The following GALNTL6 variants were observed in gnomAD, a reference collection of about 807,000 sequenced individuals.
GALNTL6 encodes polypeptide N-acetylgalactosaminyltransferase like 6.
GALNTL6 carries 46 observed loss-of-function variants against 73.7 expected under a neutral mutation model. The observed-to-expected ratio is 0.62, with a 90% CI of 0.49 to 0.80. The LOEUF (loss-of-function observed/expected upper bound fraction) is 0.80, where lower values mean the gene tolerates loss of function less well. Ranked by LOEUF, GALNTL6 falls within the 30% of genes least tolerant of loss-of-function variation. The pLI is 0.00. For missense variants in GALNTL6, 604 were observed against 755.0 expected, an observed-to-expected ratio of 0.80 and a Z score of 2.34; for synonymous variants, 259 against 263.7, an observed-to-expected ratio of 0.98 and a Z score of 0.17.
intron 2 of GALNTL6, among the ~76,000 whole-genome samples, chr4:172,130,270 T>C (rs577447295): frequency 2.7e-5 from 4 of 150,364 alleles, no homozygotes; most frequent in Admixed American, 2.0e-4. Context: ...TGATGTAACA[T>C]AGCATTCAAA....
intron 5 of GALNTL6, among the ~76,000 whole-genome samples, chr4:172,629,008 T>C (rs1739279565): frequency 6.6e-6 from 1 of 152,186 alleles, no homozygotes; most frequent in South Asian, 2.1e-4. Context: ...TGATTTACAC[T>C]CTGGGAGTCA....
intron 2 of GALNTL6, among the ~76,000 whole-genome samples, chr4:172,077,163 AAAATGGAC>A (rs1268180438): frequency 6.6e-6 from 1 of 152,104 alleles, no homozygotes; most frequent in Non-Finnish European, 1.5e-5. Flanking sequence ...ATAGAGTGTG[AAAATGGAC>A]AAATACAGAA....
At chr4:172,187,566 G>C (rs935483763) in intron 2 of GALNTL6, among the ~76,000 whole-genome samples, 9 of 151,974 alleles carry the variant, frequency 5.9e-5, no homozygotes, top group African/African-American at 2.2e-4. Context: ...GCTATCAAAA[G>C]TTTGCAGTGT....
intron 5 of GALNTL6, among the ~76,000 whole-genome samples, chr4:172,451,758 C>T (rs1338430964): frequency 6.6e-6 from 1 of 152,160 alleles, no homozygotes; most frequent in Non-Finnish European, 1.5e-5. Flanking sequence ...GTAATCCCAG[C>T]ACTTTGGGAG....
chr4:171,996,233 A>G (rs1465419072), intron 2 of GALNTL6, among the ~76,000 whole-genome samples: 1 of 152,164 alleles, frequency 6.6e-6, no homozygotes, highest in Non-Finnish European at 1.5e-5. Context: ...AAAATTCTGT[A>G]AAGTGAAAGC....
chr4:171,991,421 T>G (rs1740330244), intron 2 of GALNTL6, among the ~76,000 whole-genome samples: 2 of 152,034 alleles, frequency 1.3e-5, no homozygotes, highest in South Asian at 4.1e-4. Context: ...TTTTTAAAAC[T>G]TAATTTGAAG....
intron 5 of GALNTL6, among the ~76,000 whole-genome samples, chr4:172,721,989 T>TC (rs1404098904): frequency 8.6e-6 from 1 of 116,798 alleles, no homozygotes; most frequent in Non-Finnish European, 2.1e-5. Context: ...CGGAAGGCTT[T>TC]TTTTTTTTTT....
chr4:172,808,068 C>T (rs1364684321), intron 5 of GALNTL6, among the ~76,000 whole-genome samples: 1 of 152,146 alleles, frequency 6.6e-6, no homozygotes, highest in Non-Finnish European at 1.5e-5. Context: ...GGTGATCCAC[C>T]CACCTCTGCC....
intron 3 of GALNTL6, among the ~76,000 whole-genome samples, chr4:172,254,539 T>C (rs988537021): frequency 6.6e-6 from 1 of 151,640 alleles, no homozygotes; most frequent in Admixed American, 6.6e-5. Context: ...ACACAGGACC[T>C]GGAAATCTTT....
chr4:171,830,867 G>A (rs1734950824), intron 2 of GALNTL6, among the ~76,000 whole-genome samples: 1 of 152,176 alleles, frequency 6.6e-6, no homozygotes, highest in East Asian at 1.9e-4. Flanking sequence ...AATTTCTGTT[G>A]TATAACATTT....
chr4:172,329,522 T>A (rs1741054156), intron 4 of GALNTL6, among the ~76,000 whole-genome samples: 1 of 151,674 alleles, frequency 6.6e-6, no homozygotes, highest in East Asian at 2.0e-4. Flanking sequence ...TGGGTGTTCA[T>A]CCCAGAAAAG....
chr4:172,309,245 A>G (rs1696383636), intron 3 of GALNTL6, among the ~76,000 whole-genome samples: 2 of 152,104 alleles, frequency 1.3e-5, no homozygotes, highest in Admixed American at 1.3e-4. Context: ...ATTTAAGGGC[A>G]GTAGTAGTAA....
At chr4:172,133,160 G>A (rs1029806713) in intron 2 of GALNTL6, among the ~76,000 whole-genome samples, 6 of 152,176 alleles carry the variant, frequency 3.9e-5, no homozygotes, top group Admixed American at 1.3e-4. Flanking sequence ...CCATTAGATC[G>A]TTAGTTAAGC....
chr4:172,257,992 A>G (rs895004134), intron 3 of GALNTL6, among the ~76,000 whole-genome samples: 1 of 151,296 alleles, frequency 6.6e-6, no homozygotes, highest in East Asian at 1.9e-4. Flanking sequence ...CCCCAGATCC[A>G]GGCCGTGTGT....
At chr4:172,687,647 T>C (rs1181816779) in intron 5 of GALNTL6, among the ~76,000 whole-genome samples, 1 of 146,988 alleles carries the variant, frequency 6.8e-6, no homozygotes, top group Non-Finnish European at 1.5e-5. Flanking sequence ...AAAAAAAAAT[T>C]TCTTGAAGCT....
At chr4:172,555,127 AT>A (rs1448211565) in intron 5 of GALNTL6, among the ~76,000 whole-genome samples, 3 of 152,174 alleles carry the variant, frequency 2.0e-5, no homozygotes, top group Admixed American at 2.0e-4. Flanking sequence ...TTGATTATCA[AT>A]AAGTGTGAAC....
intron 5 of GALNTL6, among the ~76,000 whole-genome samples, chr4:172,572,331 T>A (rs1736792926): frequency 6.6e-6 from 1 of 152,218 alleles, no homozygotes; most frequent in African/African-American, 2.4e-5. Context: ...TCACATGGAT[T>A]ATTATGTTTA....
intron 2 of GALNTL6, among the ~76,000 whole-genome samples, chr4:171,963,232 G>A (rs1280815665): frequency 4.2e-4 from 64 of 152,228 alleles, no homozygotes; most frequent in Admixed American, 3.8e-3. Context: ...TGCCATTAAT[G>A]TTTGGTATGT....
intron 2 of GALNTL6, among the ~76,000 whole-genome samples, chr4:172,226,573 G>C (rs1197751445): frequency 9.6e-6 from 1 of 103,962 alleles, no homozygotes; most frequent in East Asian, 2.6e-4. Flanking sequence ...GTGTGTGTGT[G>C]TGTGTGTCTG....
Sources: gnomAD v4.1 joint callset for allele counts (sites outside exome capture counted in the v4.1 genomes callset) on GRCh38, gnomAD v4.1.1 for gene constraint, MANE v1.5 for transcripts, NCBI Gene and HGNC (gene_info 2026-07-23, HGNC 2026-07-21) for gene names.